The following CECR2 variants were observed in gnomAD, a reference collection of about 807,000 sequenced individuals.
The protein encoded by CECR2 is CECR2 histone acetyl-lysine reader.
CECR2 carries 30 observed loss-of-function variants against 154.5 expected under a neutral mutation model. The observed-to-expected ratio is 0.19, with a 90% CI of 0.15 to 0.26. The LOEUF (loss-of-function observed/expected upper bound fraction) is 0.26, where lower values mean the gene tolerates loss of function less well. Among genes scored for constraint, CECR2 ranks in the 10% least tolerant of loss-of-function variants. The probability of loss-of-function intolerance (pLI) is 1.00; values close to 1 mark genes in which losing one functional copy is unlikely to be tolerated. For synonymous variants in CECR2, 725 were observed against 683.7 expected (o/e 1.06, Z -0.94); for missense variants, 1,743 against 1,829.3 (o/e 0.95, Z 0.86).
At chr22:17,540,873 T>G in intron 14 of CECR2, 73 bp downstream of exon 14, 3 of 1,428,108 alleles carry the variant, frequency 2.1e-6, no homozygotes, top group Non-Finnish European at 1.9e-6. Context: ...GGCCATTCAG[T>G]TAGTACTTCC....
chr22:17,484,933 T>G (rs2055394325), intron 2 of CECR2, among the ~76,000 whole-genome samples: 2 of 152,216 alleles, frequency 1.3e-5, no homozygotes, highest in African/African-American at 4.8e-5. Flanking sequence ...TTCCGACTCC[T>G]GTATTTAGGA....
intron 1 of CECR2, among the ~76,000 whole-genome samples, chr22:17,445,011 TCAAA>T (rs2054637523): frequency 6.6e-6 from 1 of 152,264 alleles, no homozygotes; most frequent in Admixed American, 6.5e-5. Flanking sequence ...CTTTGACTTC[TCAAA>T]CAGCTATAAT....
At chr22:17,421,623 A>AAAG in intron 1 of CECR2, among the ~76,000 whole-genome samples, 1 of 134,812 alleles carries the variant, frequency 7.4e-6, no homozygotes, top group African/African-American at 3.2e-5. Flanking sequence ...TCAAAAAAAA[A>AAAG]AAAAAAAAAA....
intron 1 of CECR2, among the ~76,000 whole-genome samples, chr22:17,469,117 G>A (rs2055079493): frequency 1.3e-5 from 2 of 152,032 alleles, no homozygotes; most frequent in Non-Finnish European, 2.9e-5. Context: ...GTGTGTCTGT[G>A]AGTGTGGTAG....
At chr22:17,445,102 A>G (rs1159906822) in intron 1 of CECR2, among the ~76,000 whole-genome samples, 1 of 152,100 alleles carries the variant, frequency 6.6e-6, no homozygotes, top group African/African-American at 2.4e-5. Flanking sequence ...CACAATTTGG[A>G]TTTGTTAGAC....
chr22:17,422,374 C>T (rs1404844761), intron 1 of CECR2, among the ~76,000 whole-genome samples: 1 of 151,830 alleles, frequency 6.6e-6, no homozygotes, highest in Non-Finnish European at 1.5e-5. Flanking sequence ...ATTTTTTGTA[C>T]TTGTAGTAGA....
chr22:17,409,235 C>A (rs1320702394), intron 1 of CECR2, among the ~76,000 whole-genome samples: 1 of 130,734 alleles, frequency 7.6e-6, no homozygotes, highest in Non-Finnish European at 1.7e-5. Context: ...CGGGTTCAAG[C>A]GATTCGCGTG....
At chr22:17,509,006 T>C (rs906936713) in intron 7 of CECR2, among the ~76,000 whole-genome samples, 2 of 152,188 alleles carry the variant, frequency 1.3e-5, no homozygotes, top group Non-Finnish European at 2.9e-5. Context: ...ATCCCAGCAC[T>C]TTGGGAGGCC....
chr22:17,449,567 G>A (rs903194545), intron 1 of CECR2, among the ~76,000 whole-genome samples: 1 of 131,210 alleles, frequency 7.6e-6, no homozygotes, highest in Non-Finnish European at 1.5e-5. Flanking sequence ...TTGGCTCACT[G>A]CAAGCTCTGC....
intron 1 of CECR2, among the ~76,000 whole-genome samples, chr22:17,360,257 GGGATGCTGTTACCGGA>G (rs1164509702): frequency 6.6e-6 from 1 of 152,196 alleles, no homozygotes; most frequent in Non-Finnish European, 1.5e-5. Flanking sequence ...CCATCTACTT[GGGATGCTGTTACCGGA>G]GGATCCCTTG....
chr22:17,383,177 A>T (rs538861076), intron 1 of CECR2, among the ~76,000 whole-genome samples: 12 of 152,280 alleles, frequency 7.9e-5, no homozygotes, highest in African/African-American at 2.9e-4. Flanking sequence ...GTGAGCCAAG[A>T]TCATGTCACT....
chr22:17,381,288 C>T (rs896659432), intron 1 of CECR2, among the ~76,000 whole-genome samples: 1 of 152,094 alleles, frequency 6.6e-6, no homozygotes, highest in Admixed American at 6.6e-5. Flanking sequence ...GTTAAAGCAG[C>T]CCCCCAGCCC....
chr22:17,408,725 G>T (rs1860308), intron 1 of CECR2, among the ~76,000 whole-genome samples: 9 of 151,990 alleles, frequency 5.9e-5, no homozygotes, highest in African/African-American at 2.2e-4. Flanking sequence ...AGCTAAACAT[G>T]AATATATTTT....
chr22:17,460,986 G>A (rs1397787710), intron 1 of CECR2, among the ~76,000 whole-genome samples: 1 of 152,180 alleles, frequency 6.6e-6, no homozygotes, highest in Non-Finnish European at 1.5e-5. Context: ...GTTCCATCCT[G>A]GAGACCTGTT....
chr22:17,370,570 C>T (rs1464097242), intron 1 of CECR2, among the ~76,000 whole-genome samples: 2 of 152,120 alleles, frequency 1.3e-5, no homozygotes, highest in Non-Finnish European at 2.9e-5. Context: ...AATATCCAGC[C>T]TCTTTATCGC....
At chr22:17,521,589 GGTT>G (rs1458318943) in intron 8 of CECR2, among the ~76,000 whole-genome samples, 1 of 151,888 alleles carries the variant, frequency 6.6e-6, no homozygotes, top group African/African-American at 2.4e-5. Context: ...TTTTTCATGG[GGTT>G]GTTTGATTTT....
intron 6 of CECR2, among the ~76,000 whole-genome samples, chr22:17,504,507 G>C (rs1193691883): frequency 1.3e-5 from 2 of 151,874 alleles, no homozygotes; most frequent in African/African-American, 2.4e-5. Context: ...CGTGATCTCG[G>C]CTCACTGCAA....
chr22:17,455,010 C>T (rs2054832175), intron 1 of CECR2, among the ~76,000 whole-genome samples: 1 of 152,210 alleles, frequency 6.6e-6, no homozygotes, highest in Non-Finnish European at 1.5e-5. Context: ...TTTCCATTGG[C>T]TGGAACAGGA....
chr22:17,459,475 T>TG (rs199501389), intron 1 of CECR2, among the ~76,000 whole-genome samples: 1,758 of 152,128 alleles, frequency 0.012, 27 homozygotes, highest in African/African-American at 0.038. Flanking sequence ...GTGTGTGTTT[T>TG]TTTTTGTTTT....
Sources: allele counts gnomAD v4.1 joint callset (sites outside exome capture counted in the v4.1 genomes callset), GRCh38; gene constraint gnomAD v4.1.1; transcripts MANE v1.5; gene names NCBI Gene and HGNC (gene_info 2026-07-23, HGNC 2026-07-21).